The following DSCAML1 variants were observed in gnomAD, a reference collection of about 807,000 sequenced individuals.
DSCAML1 encodes the protein DS cell adhesion molecule like 1, also known as cell adhesion molecule DSCAML1.
In DSCAML1, 38 loss-of-function variants were observed where a neutral mutation model predicts 200.5. The ratio of observed to expected loss-of-function variants is 0.19; its 90% CI spans 0.15 to 0.25. DSCAML1 has a LOEUF of 0.25. Among genes scored for constraint, DSCAML1 ranks in the 10% least tolerant of loss-of-function variants. The pLI, the probability that DSCAML1 is intolerant of heterozygous loss-of-function variation, is 1.00. For synonymous variants in DSCAML1, 1,215 were observed against 1,165.0 expected (o/e 1.04, Z -0.87); for missense variants, 2,223 against 2,858.8 (o/e 0.78, Z 5.07).
At chr11:117,557,221 T>C (rs1237806885) in intron 3 of DSCAML1, among the ~76,000 whole-genome samples, 1 of 152,100 alleles carries the variant, frequency 6.6e-6, no homozygotes, top group Non-Finnish European at 1.5e-5. Context: ...GCAGAGGCAG[T>C]GTGGCAGGGG....
rs77248553 is a variant in DSCAML1, at chr11:117,482,245, C to T, written c.2360-83G>A. Reference sequence around the variant, plus strand: ...CACGCGTGCCCTGCGCAGAAGCCCCCGCCCCAGCCCTCCTCCCCCAGGAGA... The same window carrying T: ...CACGCGTGCCCTGCGCAGAAGCCCCTGCCCCAGCCCTCCTCCCCCAGGAGA... On this transcript the variant is annotated intron_variant, in intron 11 of 32. Coordinates refer to ENST00000651296, the MANE Select transcript of DSCAML1 (RefSeq NM_020693.4). The T allele has an allele frequency of 5.1e-3, 7,482 of 1,480,372 alleles. 240 individuals are homozygous for T. The African/African-American group carries it at 0.085, about 17-fold the overall frequency. 91.7% of individuals were successfully genotyped at this position (1,480,372 alleles called of 1,614,324 possible). A position where few individuals can be genotyped will look rare whatever the true frequency, so the allele number is the denominator to read the frequency against.
rs1242990006 is a variant in DSCAML1, at chr11:117,516,377, C to A, written c.1783+90G>T. ...TCAGCCTTCCGTTCACCCAGGATTG[C>A]CTATTGTTGTCTGAGTCCCAGCTGG... On this transcript the variant is annotated intron_variant, in intron 8 of 32. Transcript: ENST00000651296. The surrounding 1 kb of genome is among the most constrained non-coding windows in gnomAD (Gnocchi z 5.7). The A allele has an allele frequency of 5.3e-5, 79 of 1,495,918 alleles. No homozygotes were observed. Among genetic ancestry groups the A allele is most frequent in the Non-Finnish European group, 6.8e-5 (75 of 1,106,714 alleles). The allele number at this position is 1,495,918 out of a possible 1,614,324, so 92.7% of individuals were successfully genotyped here.
chr11:117,721,331 G>A (rs976223105), intron 3 of DSCAML1, among the ~76,000 whole-genome samples: 5 of 152,068 alleles, frequency 3.3e-5, no homozygotes, highest in African/African-American at 4.8e-5. Context: ...TCTTCCTTTC[G>A]GAGATCCGTA....
At chr11:117,580,012 G>A (rs1392845126) in intron 3 of DSCAML1, among the ~76,000 whole-genome samples, 1 of 152,154 alleles carries the variant, frequency 6.6e-6, no homozygotes, top group Non-Finnish European at 1.5e-5. Context: ...GCTTCCTGGA[G>A]ACACGGTAAA....
chr11:117,609,035 C>CA (rs58446545), intron 3 of DSCAML1, among the ~76,000 whole-genome samples: 4,025 of 110,928 alleles, frequency 0.036, 85 homozygotes, highest in Non-Finnish European at 0.042. Context: ...AACAAACAAA[C>CA]AAAAAAAACA....
chr11:117,435,507 C>G, intron 27 of DSCAML1, 137 bp downstream of exon 27: 1 of 1,030,744 alleles, frequency 9.7e-7, no homozygotes, highest in Non-Finnish European at 1.4e-6. Flanking sequence ...TTCAGAAAGT[C>G]TGAGTGGCTG....
intron 3 of DSCAML1, among the ~76,000 whole-genome samples, chr11:117,598,057 T>C (rs1460126453): frequency 6.6e-6 from 1 of 152,188 alleles, no homozygotes; most frequent in African/African-American, 2.4e-5. Flanking sequence ...GGTCATTTAA[T>C]TGTTTAACAT....
At chr11:117,662,999 T>C (rs1434293325) in intron 3 of DSCAML1, among the ~76,000 whole-genome samples, 1 of 150,336 alleles carries the variant, frequency 6.7e-6, no homozygotes, top group Non-Finnish European at 1.5e-5. Context: ...ACCGGAGTTG[T>C]CATTGCCTTT....
intron 3 of DSCAML1, among the ~76,000 whole-genome samples, chr11:117,596,404 T>C (rs1367936021): frequency 6.8e-6 from 1 of 146,474 alleles, no homozygotes; most frequent in East Asian, 2.0e-4. Flanking sequence ...AAAAAAAAAA[T>C]CTCAGTAGGA....
chr11:117,681,734 T>C (rs2053317145), intron 3 of DSCAML1, among the ~76,000 whole-genome samples: 1 of 152,194 alleles, frequency 6.6e-6, no homozygotes, highest in South Asian at 2.1e-4. Flanking sequence ...TAGTGGATAC[T>C]GCTTCTTTAA....
Position 117,591,315 on chromosome 11 carries a change from C to T in DSCAML1, c.512-58793G>A, listed in dbSNP as rs538212681. ...TTTGCCTTCTGCTTCTTGGTCTGGC[C>T]GGGTTTCTCACTTAGCCCCTGCATC... On this transcript the variant is annotated intron_variant, in intron 3 of 32. Transcript: ENST00000651296. 4.6e-4 allele frequency among the ~76,000 whole-genome samples: 70 copies of T among 152,238 alleles called. 1 individual carries two copies. Among genetic ancestry groups the T allele is most frequent in the South Asian group, 1.5e-3 (7 of 4,820 alleles).
At chr11:117,686,078 T>C (rs1171781089) in intron 3 of DSCAML1, among the ~76,000 whole-genome samples, 1 of 152,156 alleles carries the variant, frequency 6.6e-6, no homozygotes, top group Non-Finnish European at 1.5e-5. Flanking sequence ...AGATCCAGAA[T>C]TGAGGTACCA....
intron 3 of DSCAML1, among the ~76,000 whole-genome samples, chr11:117,556,513 C>A (rs1340229999): frequency 2.4e-5 from 1 of 41,370 alleles, no homozygotes; most frequent in African/African-American, 8.5e-5. Flanking sequence ...TAATCTAAAT[C>A]TTTTCCAGTT....
At chr11:117,486,674 C>T (rs192237874) in intron 11 of DSCAML1, among the ~76,000 whole-genome samples, 106 of 152,170 alleles carry the variant, frequency 7.0e-4, no homozygotes, top group Admixed American at 9.2e-4. Flanking sequence ...AGAAAATACA[C>T]GTGTACAAGT....
chr11:117,607,974 C>T (rs754372648), intron 3 of DSCAML1, among the ~76,000 whole-genome samples: 32 of 152,204 alleles, frequency 2.1e-4, no homozygotes, highest in Non-Finnish European at 4.4e-4. Context: ...TCTTTCTTTA[C>T]GTGATGAGCT....
Position 117,469,463 on chromosome 11 carries a change from A to C in DSCAML1, c.3024+447T>G, listed in dbSNP as rs1458830215. Among the ~76,000 whole-genome samples, 1 of 152,174 alleles carries C rather than the reference A, an allele frequency of 6.6e-6. No individual in the cohort carries two copies. The highest frequency in any genetic ancestry group is 2.4e-5 in the African/African-American group (1 of 41,444). ...GGTCTTTGCCCTTAGAAATGGCTATAGCACATAGTGGTCTCTTTTCTCTAC... is the reference window on the plus strand; with the variant it reads ...GGTCTTTGCCCTTAGAAATGGCTATCGCACATAGTGGTCTCTTTTCTCTAC... On this transcript the variant is annotated intron_variant, in intron 16 of 32. Transcript: ENST00000651296. This position sits in a 1 kb window ranked among gnomAD's most constrained non-coding sequence, Gnocchi z 4.1.
At chr11:117,446,717 T>C (rs906306538) in intron 20 of DSCAML1, among the ~76,000 whole-genome samples, 1 of 152,226 alleles carries the variant, frequency 6.6e-6, no homozygotes, top group Non-Finnish European at 1.5e-5. Context: ...GACAATACTG[T>C]TGGCCACTCA....
At chr11:117,718,686 C>A (rs528601599) in intron 3 of DSCAML1, among the ~76,000 whole-genome samples, 31 of 134,512 alleles carry the variant, frequency 2.3e-4, no homozygotes, top group Admixed American at 5.6e-4. Context: ...CCCCCCCCAT[C>A]ATATGAGACC....
At chr11:117,455,151 C>T (rs1349794359) in intron 19 of DSCAML1, among the ~76,000 whole-genome samples, 3 of 152,164 alleles carry the variant, frequency 2.0e-5, no homozygotes, top group Non-Finnish European at 4.4e-5. Context: ...AGTAGTTTGT[C>T]CATATTTCCT....
Sources: allele counts gnomAD v4.1 joint callset (sites outside exome capture counted in the v4.1 genomes callset), GRCh38; gene constraint gnomAD v4.1.1; non-coding constraint Gnocchi (gnomAD v3.1); transcripts MANE v1.5; gene names NCBI Gene and HGNC (gene_info 2026-07-23, HGNC 2026-07-21).